CREB5: variants seen among roughly 807,000 people sequenced by gnomAD.
CREB5 encodes the protein cAMP responsive element binding protein 5.
A neutral mutation model predicts 57.1 loss-of-function variants in CREB5; 19 were observed. The observed-to-expected ratio is 0.33, with a 90% confidence interval of 0.23 to 0.49. The LOEUF (loss-of-function observed/expected upper bound fraction) is 0.49, where lower values mean the gene tolerates loss of function less well. CREB5 is among the 20% of genes least tolerant of loss of function. The pLI, the probability that CREB5 is intolerant of heterozygous loss-of-function variation, is 0.99. For missense variants in CREB5, 579 were observed against 671.6 expected (o/e 0.86, Z 1.52); for synonymous variants, 238 against 238.3 (o/e 1.00, Z 0.01).
At chr7:28,737,726 A>T (rs903518384) in intron 7 of CREB5, among the ~76,000 whole-genome samples, 1 of 151,812 alleles carries the variant, frequency 6.6e-6, no homozygotes, top group Admixed American at 6.6e-5. Context: ...CTTACTTTAG[A>T]TCATTCAGCA....
rs866191664 is a variant in CREB5 at position 28,561,011 on chromosome 7, T to C, written c.292-9354T>C. Among the ~76,000 whole-genome samples, 155 of 47,992 alleles carry C rather than the reference T, an allele frequency of 3.2e-3. 35 individuals are homozygous for C. Among genetic ancestry groups the C allele is most frequent in the African/African-American group, 4.3e-3 (41 of 9,528 alleles). 31.5% of individuals were successfully genotyped at this position (47,992 alleles called of 152,430 possible). A position where few individuals can be genotyped will look rare whatever the true frequency, so the allele number is the denominator to read the frequency against. On this transcript the variant is annotated intron_variant, in intron 4 of 10. Transcript: ENST00000357727. Reference sequence around the variant, plus strand: ...GTGTGTGTGCCTGCGTGTGCGTGTGTGTGTGCGTGTGTGCGTGTGTGTGTG... The same window carrying C: ...GTGTGTGTGCCTGCGTGTGCGTGTGCGTGTGCGTGTGTGCGTGTGTGTGTG...
chr7:28,424,209 A>G (rs141953411), intron 1 of CREB5, among the ~76,000 whole-genome samples: 1 of 152,266 alleles, frequency 6.6e-6, no homozygotes, highest in African/African-American at 2.4e-5. Flanking sequence ...TACCTCTACA[A>G]ATACTTTATC....
intron 1 of CREB5, among the ~76,000 whole-genome samples, chr7:28,401,016 T>C (rs1003010586): frequency 1.3e-5 from 2 of 152,230 alleles, no homozygotes; most frequent in African/African-American, 4.8e-5. Flanking sequence ...AGGAAATGAC[T>C]AAAATTTTTG....
chr7:28,587,147 T>C (rs1359139250), intron 5 of CREB5, among the ~76,000 whole-genome samples: 2 of 152,252 alleles, frequency 1.3e-5, no homozygotes, highest in Non-Finnish European at 2.9e-5. Context: ...AGAAAAGGAT[T>C]TGAGGAGACT....
chr7:28,626,950 T>C (rs894277735), intron 5 of CREB5, among the ~76,000 whole-genome samples: 13 of 152,146 alleles, frequency 8.5e-5, no homozygotes, highest in African/African-American at 3.1e-4. Context: ...GTTTTTTTTC[T>C]CATCTGTTTT....
At chr7:28,666,161 T>C (rs143483742) in intron 5 of CREB5, among the ~76,000 whole-genome samples, 21 of 152,346 alleles carry the variant, frequency 1.4e-4, no homozygotes, top group Middle Eastern at 3.4e-3. Context: ...GAAACTTGCA[T>C]GTCATACCCA....
At chr7:28,326,020 T>C (rs1785592825) in intron 1 of CREB5, among the ~76,000 whole-genome samples, 1 of 152,182 alleles carries the variant, frequency 6.6e-6, no homozygotes, top group African/African-American at 2.4e-5. Flanking sequence ...AATCAGTTCT[T>C]CAAGGAGCTT....
chr7:28,732,327 C>A, intron 7 of CREB5, among the ~76,000 whole-genome samples: 1 of 152,146 alleles, frequency 6.6e-6, no homozygotes, highest in East Asian at 1.9e-4. Flanking sequence ...CCCAGCCCAG[C>A]ACGCGCATTG....
chr7:28,685,457 T>C (rs764054684), intron 5 of CREB5, among the ~76,000 whole-genome samples: 12 of 152,176 alleles, frequency 7.9e-5, no homozygotes, highest in Admixed American at 3.3e-4. Flanking sequence ...GTGGTTGGCA[T>C]TCAGCAACAG....
intron 5 of CREB5, among the ~76,000 whole-genome samples, chr7:28,643,669 C>T (rs1277384364): frequency 6.6e-6 from 1 of 151,616 alleles, no homozygotes; most frequent in Admixed American, 6.6e-5. Context: ...CCACAATCAC[C>T]ATCACTACTT....
At chr7:28,437,571 A>G (rs1398141162) in intron 1 of CREB5, among the ~76,000 whole-genome samples, 1 of 152,106 alleles carries the variant, frequency 6.6e-6, no homozygotes, top group Admixed American at 6.6e-5. Context: ...GCCTATAAAA[A>G]CCTAAGTTTA....
intron 5 of CREB5, among the ~76,000 whole-genome samples, chr7:28,713,971 G>A (rs991296024): frequency 2.8e-4 from 42 of 151,434 alleles, no homozygotes; most frequent in Admixed American, 5.3e-4. Context: ...TCTGTTTTTC[G>A]GTTTTTTTGG....
intron 1 of CREB5, among the ~76,000 whole-genome samples, chr7:28,480,735 A>C (rs1382473940): frequency 6.6e-6 from 1 of 152,238 alleles, no homozygotes; most frequent in Non-Finnish European, 1.5e-5. Flanking sequence ...TCTGCAAGAA[A>C]GTATATTGTA....
intron 4 of CREB5, among the ~76,000 whole-genome samples, chr7:28,508,508 A>G (rs1792575307): frequency 6.6e-6 from 1 of 152,220 alleles, no homozygotes; most frequent in Non-Finnish European, 1.5e-5. Context: ...AGGAAAGACC[A>G]GTTAGGTAGT....
chr7:28,426,264 T>C (rs1422441063), intron 1 of CREB5, among the ~76,000 whole-genome samples: 1 of 152,250 alleles, frequency 6.6e-6, no homozygotes, highest in African/African-American at 2.4e-5. Context: ...GTTAAGGGAC[T>C]TGACCAGTGG....
intron 1 of CREB5, among the ~76,000 whole-genome samples, chr7:28,487,317 TCCTCCTGCCCCAGCATC>T (rs1262843567): frequency 2.6e-5 from 4 of 152,126 alleles, no homozygotes; most frequent in African/African-American, 7.2e-5. Flanking sequence ...ACATTAGCGA[TCCTCCTGCCCCAGCATC>T]CCAAAGTGCT....
intron 5 of CREB5, among the ~76,000 whole-genome samples, chr7:28,672,202 C>CACAA (rs1171043896): frequency 6.6e-6 from 1 of 151,616 alleles, no homozygotes. Flanking sequence ...CACACACACA[C>CACAA]ACACACACAC....
chr7:28,627,259 G>C (rs542259102), intron 5 of CREB5, among the ~76,000 whole-genome samples: 1 of 152,344 alleles, frequency 6.6e-6, no homozygotes, highest in South Asian at 2.1e-4. Context: ...ATTTGATAGA[G>C]AAAAATTTAA....
chr7:28,431,982 C>CTTTTTTTTTTTT (rs34222908), intron 1 of CREB5, among the ~76,000 whole-genome samples: 2 of 124,910 alleles, frequency 1.6e-5, no homozygotes, highest in African/African-American at 3.1e-5. Context: ...ACAGCTATGC[C>CTTTTTTTTTTTT]TTTTTTTTTT....
Sources: allele counts gnomAD v4.1 joint callset (sites outside exome capture counted in the v4.1 genomes callset), GRCh38; gene constraint gnomAD v4.1.1; transcripts MANE v1.5; gene names NCBI Gene and HGNC (gene_info 2026-07-23, HGNC 2026-07-21).